The following RBFOX1 variants were observed in gnomAD, a reference collection of about 807,000 sequenced individuals.
The protein encoded by RBFOX1 is RNA binding protein fox-1 homolog 1.
RBFOX1 carries 8 observed loss-of-function variants against 57.7 expected under a neutral mutation model. The observed-to-expected ratio is 0.14, with a 90% confidence interval of 0.08 to 0.25. The LOEUF (loss-of-function observed/expected upper bound fraction) is 0.25, where lower values mean the gene tolerates loss of function less well. Among genes scored for constraint, RBFOX1 ranks in the 10% least tolerant of loss-of-function variants. The pLI, the probability that RBFOX1 is intolerant of heterozygous loss-of-function variation, is 1.00. For synonymous variants in RBFOX1, 326 were observed against 222.4 expected (o/e 1.47, Z -4.15); for missense variants, 611 against 548.5 (o/e 1.11, Z -1.14).
chr16:6,490,287 C>G (rs189432216), intron 2 of RBFOX1, among the ~76,000 whole-genome samples: 144 of 152,218 alleles, frequency 9.5e-4, no homozygotes, highest in African/African-American at 3.2e-3. Context: ...AAATACATAC[C>G]AGAATATCCA....
chr16:7,149,658 C>T (rs1438741032), intron 4 of RBFOX1, among the ~76,000 whole-genome samples: 2 of 151,630 alleles, frequency 1.3e-5, no homozygotes, highest in African/African-American at 4.8e-5. Context: ...GCTATATGCC[C>T]CCGCAGGCCT....
At chr16:7,380,638 C>A (rs999158362) in intron 4 of RBFOX1, among the ~76,000 whole-genome samples, 3 of 152,246 alleles carry the variant, frequency 2.0e-5, no homozygotes, top group African/African-American at 7.2e-5. Flanking sequence ...CTGGCAGCAG[C>A]TCACACCGCT....
chr16:6,815,511 T>C (rs1274371710), intron 3 of RBFOX1, among the ~76,000 whole-genome samples: 4 of 152,166 alleles, frequency 2.6e-5, no homozygotes, highest in Non-Finnish European at 5.9e-5. Flanking sequence ...TATTTCTAAA[T>C]TGTCACTCCA....
At chr16:5,616,943 TTAAA>T (rs1053333448) in intron 3 of RBFOX1, among the ~76,000 whole-genome samples, 4 of 145,254 alleles carry the variant, frequency 2.8e-5, no homozygotes, top group African/African-American at 1.0e-4. Flanking sequence ...TTTCTTTTAA[TTAAA>T]TAGATACTTA....
chr16:6,950,283 C>A (rs1419447120), intron 3 of RBFOX1, among the ~76,000 whole-genome samples: 1 of 151,948 alleles, frequency 6.6e-6, no homozygotes, highest in Non-Finnish European at 1.5e-5. Flanking sequence ...TTTGCAGAAC[C>A]ATGCTCCCCT....
intron 14 of RBFOX1, among the ~76,000 whole-genome samples, chr16:7,705,176 C>G (rs1046204526): frequency 4.6e-5 from 7 of 151,850 alleles, no homozygotes; most frequent in African/African-American, 1.5e-4. Context: ...CAAGACTAAG[C>G]AGAGAATGGA....
intron 1 of RBFOX1, among the ~76,000 whole-genome samples, chr16:6,249,087 G>T (rs1422507044): frequency 6.6e-6 from 1 of 152,088 alleles, no homozygotes; most frequent in Non-Finnish European, 1.5e-5. Flanking sequence ...CCTCAGTTGG[G>T]ATTAGTCCAG....
chr16:7,464,227 C>T (rs1162511879), intron 4 of RBFOX1, among the ~76,000 whole-genome samples: 2 of 152,188 alleles, frequency 1.3e-5, no homozygotes, highest in East Asian at 3.8e-4. Flanking sequence ...TGCACCTGTG[C>T]ACCTATGCAC....
At chr16:6,966,785 ATCTATCTG>A (rs1273009762) in intron 3 of RBFOX1, among the ~76,000 whole-genome samples, 3,702 of 53,788 alleles carry the variant, frequency 0.069, 144 homozygotes, top group African/African-American at 0.18. Flanking sequence ...CTATCTATCT[ATCTATCTG>A]TCTGTCTGTC....
intron 11 of RBFOX1, among the ~76,000 whole-genome samples, chr16:7,635,580 G>A (rs1400142502): frequency 6.6e-6 from 1 of 152,082 alleles, no homozygotes; most frequent in Non-Finnish European, 1.5e-5. Context: ...GGGGGCGGGG[G>A]ACGGTGTGTT....
At chr16:7,621,558 G>T (rs1203025543) in intron 10 of RBFOX1, among the ~76,000 whole-genome samples, 1 of 152,068 alleles carries the variant, frequency 6.6e-6, no homozygotes, top group Non-Finnish European at 1.5e-5. Flanking sequence ...ACCACACCTG[G>T]CCTAATTGTT....
chr16:6,552,261 G>A (rs2097005153), intron 2 of RBFOX1, among the ~76,000 whole-genome samples: 1 of 152,136 alleles, frequency 6.6e-6, no homozygotes, highest in East Asian at 1.9e-4. Context: ...TTGAAGGAGG[G>A]CAACCCCTTT....
At chr16:7,427,558 C>G (rs142349228) in intron 4 of RBFOX1, among the ~76,000 whole-genome samples, 2 of 152,276 alleles carry the variant, frequency 1.3e-5, no homozygotes, top group African/African-American at 2.4e-5. Context: ...CCTTTCCCCT[C>G]CAATTTTACC....
chr16:6,756,971 A>G (rs1216878221), intron 3 of RBFOX1, among the ~76,000 whole-genome samples: 2 of 133,350 alleles, frequency 1.5e-5, no homozygotes, highest in East Asian at 4.7e-4. Context: ...GCGAAACTCC[A>G]TCTCAAACAA....
chr16:7,034,048 G>A (rs146473352), intron 3 of RBFOX1, among the ~76,000 whole-genome samples: 1 of 152,178 alleles, frequency 6.6e-6, no homozygotes, highest in African/African-American at 2.4e-5. Flanking sequence ...GCGGAGATGA[G>A]GTAGGTATGG....
At chr16:6,983,552 G>C (rs751242872) in intron 3 of RBFOX1, 1 of 151,942 alleles carries the variant, frequency 6.6e-6, no homozygotes, top group Non-Finnish European at 1.5e-5. Context: ...CCCCAGGGGT[G>C]GTGTGAACAT....
At chr16:6,011,396 A>T (rs948506641) in intron 4 of RBFOX1, among the ~76,000 whole-genome samples, 2 of 151,768 alleles carry the variant, frequency 1.3e-5, no homozygotes, top group African/African-American at 2.4e-5. Context: ...TGGCCTTTGG[A>T]TCCCCTATAC....
At chr16:6,988,891 C>A (rs1035095182) in intron 3 of RBFOX1, among the ~76,000 whole-genome samples, 13 of 152,028 alleles carry the variant, frequency 8.6e-5, no homozygotes, top group African/African-American at 3.1e-4. Flanking sequence ...CCTGCCTTAG[C>A]CTCCTAAGTA....
At chr16:6,568,087 G>A (rs1244343553) in intron 2 of RBFOX1, among the ~76,000 whole-genome samples, 2 of 152,306 alleles carry the variant, frequency 1.3e-5, no homozygotes, top group Admixed American at 6.5e-5. Context: ...CTTTGACAGT[G>A]CAGCTTTACG....
Sources: gnomAD v4.1 joint callset for allele counts (sites outside exome capture counted in the v4.1 genomes callset) on GRCh38, gnomAD v4.1.1 for gene constraint, MANE v1.5 for transcripts, NCBI Gene and HGNC (gene_info 2026-07-23, HGNC 2026-07-21) for gene names.